IFRD2: variants seen among roughly 807,000 people sequenced by gnomAD.
IFRD2 encodes the protein interferon related developmental regulator 2.
In IFRD2, 35 loss-of-function variants were observed where a neutral mutation model predicts 49.2. The observed-to-expected ratio is 0.71, with a 90% confidence interval of 0.54 to 0.94. The LOEUF is 0.94. Among genes scored for constraint, IFRD2 ranks in the 40% least tolerant of loss-of-function variants. IFRD2 has a pLI of 0.00. For synonymous variants in IFRD2, 275 were observed against 239.7 expected, an observed-to-expected ratio of 1.15 and a Z score of -1.36; for missense variants, 561 against 591.6, an observed-to-expected ratio of 0.95 and a Z score of 0.54.
chr3:50,292,044 G>T, intron 1 of IFRD2, 173 bp downstream of exon 1: 1 of 673,120 alleles, frequency 1.5e-6, no homozygotes, highest in Non-Finnish European at 2.3e-6. Flanking sequence ...AGTTGGGCAC[G>T]CACGTGGCCA....
chr3:50,289,732 C>G lies in IFRD2; in HGVS notation c.577G>C (p.Val193Leu). 1 of 1,603,598 alleles carries G rather than the reference C, an allele frequency of 6.2e-7. No homozygotes were observed. The highest frequency in any genetic ancestry group is 8.5e-7 in the Non-Finnish European group (1 of 1,175,288). The change falls in exon 6 of 12, where the codon GTG (valine) becomes CTG (leucine). Residue 193 changes from valine to leucine, a missense_variant. Coordinates refer to ENST00000417626, the MANE Select transcript of IFRD2 (RefSeq NM_006764.5). Reference protein sequence around the residue: ...CASALGLGCYVAAADIQDLVS... With the variant: ...CASALGLGCYLAAADIQDLVS... The stretch of plus-strand genomic sequence containing the variant: ...CTCACCTGGATGTCAGCGGCAGCCA[C>G]GTAGCAGCCCAGGCCAAGGGCAGAA...
intron 8 of IFRD2, 135 bp from the exon 9 acceptor site, chr3:50,289,072 T>C (rs587616984): frequency 2.3e-6 from 3 of 1,325,754 alleles, no homozygotes; most frequent in South Asian, 2.8e-5. Flanking sequence ...CTCCTTGGCC[T>C]CTGTCAGGCC....
Position 50,289,356 on chromosome 3 carries a change from G to C in IFRD2, c.784C>G (p.Leu262Val), listed in dbSNP as rs1553709241. Reference protein sequence around the residue: ...TQISHILDRQLPRLPQLLSSE... With the variant: ...TQISHILDRQVPRLPQLLSSE... ...GACAAGAGCTGGGGCAGCCGGGGCA[G>C]CTGCCTAGGGAAGGGGCAGGCTGAG... The change falls in exon 8 of 12, where the codon CTG (leucine) becomes GTG (valine). Residue 262 changes from leucine to valine, a missense_variant. Leu to Val is a conservative substitution (Grantham distance 32). Coordinates refer to ENST00000417626, the MANE Select transcript of IFRD2 (RefSeq NM_006764.5). The C allele has an allele frequency of 1.3e-6, 2 of 1,596,082 alleles. No individual in the cohort carries two copies. Among genetic ancestry groups the C allele is most frequent in the Non-Finnish European group, 1.7e-6 (2 of 1,171,456 alleles).
rs1701641536 is a variant in IFRD2, at chr3:50,290,028, C to G, written c.447G>C (p.Leu149=). The G allele has an allele frequency of 1.2e-6, 2 of 1,613,468 alleles. No homozygotes were observed. Among genetic ancestry groups the G allele is most frequent in the African/African-American group, 2.7e-5 (2 of 74,936 alleles). The change falls in exon 5 of 12, where the codon CTG becomes CTC. Residue 149 remains leucine, a synonymous_variant. Coordinates refer to ENST00000417626, the MANE Select transcript of IFRD2 (RefSeq NM_006764.5). ...AAVLGLLCVQ[L]GPGPKGEELF... ...GCTCCTCACCCTTAGGTCCAGGGCC[C>G]AGCTGCACGCAGAGCAGGCCTAGCA...
At chr3:50,289,792 G>A (rs782655917) in intron 5 of IFRD2, 30 bp from the exon 6 acceptor site, 21 of 1,591,352 alleles carry the variant, frequency 1.3e-5, no homozygotes, top group Admixed American at 5.4e-5. Flanking sequence ...GCAATGCCAC[G>A]GTCAGCGGGT....
chr3:50,291,305 C>A (rs1701668068), intron 1 of IFRD2, among the ~76,000 whole-genome samples: 1 of 152,156 alleles, frequency 6.6e-6, no homozygotes. Context: ...CCACCACGCC[C>A]AGCCTGCTCC....
At position 50,288,481 on chromosome 3, in the gene IFRD2, G is replaced by A. The variant is rs782025532; in HGVS notation, c.1176C>T (p.Ile392=). The A allele has an allele frequency of 1.2e-6, 2 of 1,614,004 alleles. No individual in the cohort carries two copies. Among genetic ancestry groups the A allele is most frequent in the Non-Finnish European group, 1.7e-6 (2 of 1,179,874 alleles). Residue 392 remains isoleucine, a synonymous_variant, in exon 11 of 12, where the codon ATC becomes ATT. Transcript: ENST00000417626. The part of the protein sequence containing the change: ...HLQNNELLRD[I]FGLGPVLLLD... ...GCAACAGCACAGGGCCCAGGCCAAAGATGTCACGGAGTAGCTCATTGTTCT... is the reference window on the plus strand; with the variant it reads ...GCAACAGCACAGGGCCCAGGCCAAAAATGTCACGGAGTAGCTCATTGTTCT...
rs1220248833 is a variant in IFRD2 at position 50,290,240 on chromosome 3, G to A, written c.318C>T (p.Arg106=). 4 of 1,613,222 alleles carry A rather than the reference G, an allele frequency of 2.5e-6. No homozygotes were observed. The African/African-American group carries it at 5.3e-5, about 22-fold the overall frequency. Residue 106 remains arginine (R), a synonymous_variant, in exon 4 of 12, where the codon CGC becomes CGT. Transcript: ENST00000417626. ...LESLRLALAS[R]LLPDFLLERR... is the part of the protein sequence containing the mutation. ...GCTCCAGCAAGAAGTCGGGGAGTAG[G>A]CGGGACGCTAGGGCCAGGCGCAGGC...
intron 3 of IFRD2, 25 bp downstream of exon 3, chr3:50,290,363 G>A (rs1553709599): frequency 6.3e-7 from 1 of 1,592,220 alleles, no homozygotes; most frequent in East Asian, 2.3e-5. Context: ...GCTGGGTGTA[G>A]GAGTTGGCTG....
chr3:50,290,746 T>G, intron 1 of IFRD2, 67 bp from the exon 2 acceptor site: 1 of 1,566,688 alleles, frequency 6.4e-7, no homozygotes, highest in South Asian at 1.1e-5. Context: ...GGTACCTCAC[T>G]CGACCTCATA....
rs1553708975 is a variant in IFRD2 at position 50,288,478 on chromosome 3, A to G, written c.1179T>C (p.Phe393=). ...LQNNELLRDI[F]GLGPVLLLDA... ...CCAGCAACAGCACAGGGCCCAGGCCAAAGATGTCACGGAGTAGCTCATTGT... is the reference window on the plus strand; with the variant it reads ...CCAGCAACAGCACAGGGCCCAGGCCGAAGATGTCACGGAGTAGCTCATTGT... Residue 393 remains phenylalanine, a synonymous_variant, in exon 11 of 12, where the codon TTT becomes TTC. Coordinates refer to ENST00000417626, the MANE Select transcript of IFRD2 (RefSeq NM_006764.5). 26 of 1,613,838 alleles carry G rather than the reference A, an allele frequency of 1.6e-5. No homozygotes were observed. The highest frequency in any genetic ancestry group is 2.2e-5 in the Non-Finnish European group (26 of 1,179,870).
In IFRD2 at chr3:50,289,322, C is replaced by A. The variant is rs1370601699; in HGVS notation, c.818G>T (p.Ser273Ile). ...PRLPQLLSSE[S>I]VNLRIAAGET... ...ACCGGCAGCGATCCGCAGGTTCACACTTTCACTGGACAAGAGCTGGGGCAG... is the reference window on the plus strand; with the variant it reads ...ACCGGCAGCGATCCGCAGGTTCACAATTTCACTGGACAAGAGCTGGGGCAG... Residue 273 changes from serine (S) to isoleucine (I), a missense_variant, in exon 8 of 12, where the codon AGT becomes ATT. Ser to Ile is a moderately radical substitution (Grantham distance 142, BLOSUM62 -2). Coordinates refer to ENST00000417626, the MANE Select transcript of IFRD2 (RefSeq NM_006764.5). 7 of 1,601,544 alleles carry A rather than the reference C, an allele frequency of 4.4e-6. No individual in the cohort carries two copies. The highest frequency in any genetic ancestry group is 6.0e-6 in the Non-Finnish European group (7 of 1,174,382).
rs782141572 is a variant in IFRD2 at position 50,288,676 on chromosome 3, G to T, written c.1059C>A (p.Gly353=). The T allele has an allele frequency of 1.9e-6, 3 of 1,613,722 alleles. No homozygotes were observed. Among genetic ancestry groups the T allele is most frequent in the South Asian group, 2.2e-5 (2 of 91,068 alleles). ...AGCTGTCCATGTAGAGCACCTCAAA[G>T]CCGAAGCGCACTATCTCTTCTTCGC... ...GECEEEIVRF[G]FEVLYMDSWA... is the part of the protein sequence containing the mutation. Residue 353 remains glycine, a synonymous_variant, in exon 10 of 12, where the codon GGC becomes GGA. Transcript: ENST00000417626.
Position 50,287,779 on chromosome 3 carries a change from C to A in IFRD2, c.*412G>T. ...GTTCTGTTTAATTATCTGTAATAAT[C>A]CTTAAAAATCAGCACACAAATCCAT... On this transcript the variant is annotated 3_prime_UTR_variant, in exon 12 of 12. Transcript: ENST00000417626. The A allele has an allele frequency of 4.3e-6, 1 of 233,252 alleles. No homozygotes were observed. Among genetic ancestry groups the A allele is most frequent in the Non-Finnish European group, 8.5e-6 (1 of 117,380 alleles). 14.4% of individuals were successfully genotyped at this position (233,252 alleles called of 1,614,324 possible). A position where few individuals can be genotyped will look rare whatever the true frequency, so the allele number is the denominator to read the frequency against.
At position 50,288,287 on chromosome 3, in the gene IFRD2, A is replaced by T. The variant is rs1553708919; in HGVS notation, c.1249-16T>A. The T allele has an allele frequency of 1.9e-6, 3 of 1,612,932 alleles. No homozygotes were observed. In the South Asian group the frequency reaches 3.3e-5, roughly 18 times the overall value. Reference sequence around the variant, plus strand: ...TGTACAGGTGCTAGAGTGGGGACAGAGAGTGACACCCTGGGGAGCTGGGAA... The same window carrying T: ...TGTACAGGTGCTAGAGTGGGGACAGTGAGTGACACCCTGGGGAGCTGGGAA... On this transcript the variant is annotated splice_polypyrimidine_tract_variant and intron_variant, in intron 11 of 11. Coordinates refer to ENST00000417626, the MANE Select transcript of IFRD2 (RefSeq NM_006764.5).
rs782150118 is a variant in IFRD2, at chr3:50,290,683, G to A, written c.59-4C>T. The A allele has an allele frequency of 3.1e-6, 5 of 1,613,164 alleles. No homozygotes were observed. Among genetic ancestry groups the A allele is most frequent in the Admixed American group, 1.7e-5 (1 of 59,930 alleles). ...GCTTGGGCACTGCTCCGGGCACCTG[G>A]AGAAGGTGGAATAGGACACTCAACT... On this transcript the variant is annotated splice_region_variant and splice_polypyrimidine_tract_variant and intron_variant, in intron 1 of 11. Coordinates refer to ENST00000417626, the MANE Select transcript of IFRD2 (RefSeq NM_006764.5).
chr3:50,292,238 C>T lies in IFRD2; in HGVS notation c.37G>A (p.Gly13Ser). The T allele has an allele frequency of 6.6e-7, 1 of 1,508,300 alleles. No individual in the cohort carries two copies. The highest frequency in any genetic ancestry group is 8.8e-7 in the Non-Finnish European group (1 of 1,132,134). The allele number at this position is 1,508,300 out of a possible 1,614,324, so 93.4% of individuals were successfully genotyped here. The change falls in exon 1 of 12, where the codon GGT becomes AGT. Residue 13 changes from glycine to serine, a missense_variant. By Grantham distance (56) the Gly-to-Ser change is moderately conservative. Transcript: ENST00000417626. ...RARKGNTLRK[G>S]GQRRGGGARS... is the part of the protein sequence containing the mutation. ...TCACCTCCTCCACGGCGCTGACCAC[C>T]CTTCCGGAGCGTGTTGCCCTTACGG...
In IFRD2 at chr3:50,289,231, A is replaced by T. The variant is rs201170820; in HGVS notation, c.885+24T>A. 453 of 1,544,248 alleles carry T rather than the reference A, an allele frequency of 2.9e-4. 2 individuals carry two copies. In the African/African-American group the frequency reaches 5.3e-3, roughly 18 times the overall value. On this transcript the variant is annotated intron_variant, in intron 8 of 11. Coordinates refer to ENST00000417626, the MANE Select transcript of IFRD2 (RefSeq NM_006764.5). ...TGATGGGCAGGTGGTGTCACCAAGC[A>T]CCCCCCATCCTTGTCCCTCGCACCT... is the stretch of plus-strand genomic sequence containing the variant.
chr3:50,288,162 AG>A lies in IFRD2; in HGVS notation c.*28del. The A allele has an allele frequency of 6.3e-7, 1 of 1,582,986 alleles. No homozygotes were observed. Among genetic ancestry groups the A allele is most frequent in the Non-Finnish European group, 8.7e-7 (1 of 1,153,396 alleles). On this transcript the variant is annotated 3_prime_UTR_variant, in exon 12 of 12. Coordinates refer to ENST00000417626, the MANE Select transcript of IFRD2 (RefSeq NM_006764.5). ...TGTTAAAAATACGGACCAAGGGCAT[AG>A]AAAGTCTCCTCTTCAGCAGGTCCTG...
Sources: gnomAD v4.1 joint callset for allele counts (sites outside exome capture counted in the v4.1 genomes callset) on GRCh38, gnomAD v4.1.1 for gene constraint, MANE v1.5 for transcripts, NCBI Gene and HGNC (gene_info 2026-07-23, HGNC 2026-07-21) for gene names.